The following RBP2 variants were observed in gnomAD, a reference collection of about 807,000 sequenced individuals.
The protein encoded by RBP2 is retinol-binding protein 2.
A neutral mutation model predicts 17.0 loss-of-function variants in RBP2; 17 were observed. The observed-to-expected ratio is 1.00, with a 90% CI of 0.68 to 1.50. The LOEUF (loss-of-function observed/expected upper bound fraction) is 1.50. Among genes scored for constraint, RBP2 ranks in the 40% most tolerant of loss-of-function variants. The probability of loss-of-function intolerance (pLI) is 0.00; values close to 1 mark genes in which losing one functional copy is unlikely to be tolerated. For missense variants in RBP2, 158 were observed against 168.2 expected (o/e 0.94, Z 0.33); for synonymous variants, 48 against 57.1 (o/e 0.84, Z 0.72).
At chr3:139,469,417 C>T (rs1181766728) in intron 1 of RBP2, among the ~76,000 whole-genome samples, 1 of 152,148 alleles carries the variant, frequency 6.6e-6, no homozygotes, top group Non-Finnish European at 1.5e-5. Context: ...CTACTGCATG[C>T]TTACTGGGAT....
chr3:139,456,588 G>T (rs959340187), intron 2 of RBP2, among the ~76,000 whole-genome samples: 1 of 152,170 alleles, frequency 6.6e-6, no homozygotes, highest in Non-Finnish European at 1.5e-5. Flanking sequence ...AATGCATAAA[G>T]CAGACGGGGG....
chr3:139,474,963 T>C (rs1220525803), intron 1 of RBP2, among the ~76,000 whole-genome samples: 1 of 151,960 alleles, frequency 6.6e-6, no homozygotes, highest in Non-Finnish European at 1.5e-5. Flanking sequence ...CCCAACTATA[T>C]TGAGGTAAAA....
At position 139,459,400 on chromosome 3, in the gene RBP2, A is replaced by ATATGTGTGTGTGTGTGTGTG. The variant is rs111417242; in HGVS notation, c.252+2711_252+2712insCACACACACACACACACATA. Among the ~76,000 whole-genome samples the ATATGTGTGTGTGTGTGTGTG allele has an allele frequency of 1.2e-4, 15 of 128,560 alleles. No individual in the cohort carries two copies. In the South Asian group the frequency reaches 3.5e-3, roughly 30 times the overall value. 84.3% of individuals were successfully genotyped at this position (128,560 alleles called of 152,430 possible). On this transcript the variant is annotated intron_variant, in intron 2 of 3. Transcript: ENST00000232217. ...GTGAAACCCTGTTTCTACTATATAT[A>ATATGTGTGTGTGTGTGTGTG]TGTGTGTGTGTGTGTGTGTGTGTGT... is the stretch of plus-strand genomic sequence containing the variant.
At chr3:139,470,759 T>C (rs1412420110) in intron 1 of RBP2, among the ~76,000 whole-genome samples, 1 of 151,982 alleles carries the variant, frequency 6.6e-6, no homozygotes, top group Admixed American at 6.6e-5. Flanking sequence ...TTTTATTTTC[T>C]ATTTTTTGTA....
intron 2 of RBP2, among the ~76,000 whole-genome samples, chr3:139,460,381 A>G (rs1933146719): frequency 6.6e-6 from 1 of 152,210 alleles, no homozygotes; most frequent in Non-Finnish European, 1.5e-5. Flanking sequence ...AATTTCCATC[A>G]TGCTTTATAT....
At chr3:139,457,394 CTT>C (rs923157072) in intron 2 of RBP2, among the ~76,000 whole-genome samples, 17 of 152,142 alleles carry the variant, frequency 1.1e-4, no homozygotes, top group African/African-American at 3.9e-4. Context: ...TAGCTACTGA[CTT>C]AGCCCTGGCA....
intron 2 of RBP2, among the ~76,000 whole-genome samples, chr3:139,459,639 A>G (rs1933116941): frequency 6.6e-6 from 1 of 151,224 alleles, no homozygotes; most frequent in African/African-American, 2.4e-5. Flanking sequence ...AAAAAAAGAA[A>G]GAAATTAATC....
chr3:139,458,220 T>A (rs971220956), intron 2 of RBP2, among the ~76,000 whole-genome samples: 2 of 151,830 alleles, frequency 1.3e-5, no homozygotes, highest in Non-Finnish European at 2.9e-5. Flanking sequence ...AAACAACAGC[T>A]CTTTAAGAGC....
In RBP2 at chr3:139,462,177, C is replaced by T. The variant is rs550705759; in HGVS notation, c.187G>A (p.Val63Met). Residue 63 changes from valine (V) to methionine (M), a missense_variant, in exon 2 of 4, where the codon GTG becomes ATG. Val to Met is a conservative substitution (Grantham distance 21). Coordinates refer to ENST00000232217, the MANE Select transcript of RBP2 (RefSeq NM_004164.3). Reference sequence around the variant, plus strand: ...AACTCTACTCCAACAGTGAAATCCACATCATAGTTGCGGAATGTGCTAGTG... The same window carrying T: ...AACTCTACTCCAACAGTGAAATCCATATCATAGTTGCGGAATGTGCTAGTG... ...KTTSTFRNYD[V>M]DFTVGVEFDE... The T allele has an allele frequency of 3.1e-6, 5 of 1,614,186 alleles. No homozygotes were observed. The highest frequency in any genetic ancestry group is 3.3e-5 in the Admixed American group (2 of 60,028).
At chr3:139,457,950 T>C (rs1193789437) in intron 2 of RBP2, among the ~76,000 whole-genome samples, 5 of 152,230 alleles carry the variant, frequency 3.3e-5, no homozygotes, top group African/African-American at 7.2e-5. Flanking sequence ...GTTAAACTTA[T>C]AGAAGCTGAT....
At chr3:139,471,242 A>G (rs1305603154) in intron 1 of RBP2, among the ~76,000 whole-genome samples, 1 of 152,364 alleles carries the variant, frequency 6.6e-6, no homozygotes, top group Admixed American at 6.5e-5. Context: ...AGAAATGCAT[A>G]TAAAGCTCTA....
intron 1 of RBP2, among the ~76,000 whole-genome samples, chr3:139,462,502 T>C (rs1350008261): frequency 6.8e-6 from 1 of 147,308 alleles, no homozygotes; most frequent in African/African-American, 2.6e-5. Flanking sequence ...CTCCTCAGGA[T>C]CCCTGATGGG....
intron 3 of RBP2, among the ~76,000 whole-genome samples, chr3:139,453,954 G>GA: frequency 6.6e-6 from 1 of 152,216 alleles, no homozygotes; most frequent in Non-Finnish European, 1.5e-5. Context: ...GATCTCAGGT[G>GA]AAGCAAGGCT....
intron 2 of RBP2, among the ~76,000 whole-genome samples, chr3:139,455,531 G>T (rs1943380477): frequency 6.6e-6 from 1 of 152,148 alleles, no homozygotes; most frequent in Admixed American, 6.5e-5. Context: ...ATATAAATTG[G>T]TATAAATCTC....
intron 2 of RBP2, among the ~76,000 whole-genome samples, chr3:139,456,206 G>A (rs979004205): frequency 2.6e-5 from 4 of 152,142 alleles, no homozygotes; most frequent in Non-Finnish European, 5.9e-5. Context: ...AGGACCAGAT[G>A]TTTACTTTTC....
At position 139,461,715 on chromosome 3, in the gene RBP2, T is replaced by C. The variant is rs115088695; in HGVS notation, c.252+397A>G. ...TACATCTCCTAAAAAAAATCTGGCA[T>C]CTTCAGGCTTCGCTCCTCCATGGCA... On this transcript the variant is annotated intron_variant, in intron 2 of 3. Transcript: ENST00000232217. Among the ~76,000 whole-genome samples the C allele has an allele frequency of 4.4e-3, 677 of 152,312 alleles. 7 individuals carry two copies. Among genetic ancestry groups the C allele is most frequent in the African/African-American group, 0.016 (658 of 41,562 alleles).
intron 1 of RBP2, among the ~76,000 whole-genome samples, chr3:139,467,165 T>C (rs1438933342): frequency 6.6e-6 from 1 of 152,146 alleles, no homozygotes; most frequent in Non-Finnish European, 1.5e-5. Context: ...AGAAGTACTA[T>C]GGATTAGCTA....
chr3:139,471,333 A>G (rs1466533192), intron 1 of RBP2, among the ~76,000 whole-genome samples: 1 of 152,246 alleles, frequency 6.6e-6, no homozygotes, highest in Admixed American at 6.5e-5. Context: ...TAAATGGTCA[A>G]GATGAGATTT....
intron 2 of RBP2, 112 bp downstream of exon 2, chr3:139,462,000 C>T: frequency 8.5e-7 from 1 of 1,182,856 alleles, no homozygotes; most frequent in South Asian, 1.5e-5. Flanking sequence ...CCTGGTCCTC[C>T]TTTCCTGATT....
Sources: gnomAD v4.1 joint callset for allele counts (sites outside exome capture counted in the v4.1 genomes callset) on GRCh38, gnomAD v4.1.1 for gene constraint, MANE v1.5 for transcripts, NCBI Gene and HGNC (gene_info 2026-07-23, HGNC 2026-07-21) for gene names.